Variants in DLG1 observed in about 807,000 individuals in gnomAD.
The protein encoded by DLG1 is disks large homolog 1.
Under a neutral mutation model 123.4 loss-of-function variants are expected in DLG1, and 42 were observed. The observed-to-expected ratio is 0.34, with a 90% confidence interval of 0.27 to 0.44. The LOEUF (loss-of-function observed/expected upper bound fraction) is 0.44, where lower values mean the gene tolerates loss of function less well. DLG1 is among the 20% of genes least tolerant of loss of function. The pLI is 1.00. For missense variants in DLG1, 942 were observed against 1,082.6 expected (o/e 0.87, Z 1.82); for synonymous variants, 317 against 356.2 (o/e 0.89, Z 1.24).
intron 14 of DLG1, among the ~76,000 whole-genome samples, chr3:197,097,286 T>C (rs1395582145): frequency 3.3e-5 from 5 of 152,198 alleles, no homozygotes; most frequent in African/African-American, 1.2e-4. Context: ...AAAACTCTTA[T>C]AGTTCACTTG....
intron 12 of DLG1, among the ~76,000 whole-genome samples, chr3:197,117,444 C>T (rs894544539): frequency 6.6e-6 from 1 of 152,158 alleles, no homozygotes; most frequent in Non-Finnish European, 1.5e-5. Flanking sequence ...AAGTGCCCAT[C>T]ATTAGATGAA....
chr3:197,183,820 TGCAG>T, intron 5 of DLG1: 1 of 1,544,848 alleles, frequency 6.5e-7, no homozygotes, highest in Non-Finnish European at 8.8e-7. Flanking sequence ...TCTGCAGCCC[TGCAG>T]GTGGTTGCCA....
intron 14 of DLG1, among the ~76,000 whole-genome samples, chr3:197,098,754 ACTC>A (rs1391599921): frequency 2.0e-5 from 3 of 151,086 alleles, no homozygotes; most frequent in African/African-American, 7.3e-5. Flanking sequence ...CTGGTCTTGA[ACTC>A]CTGCTTTCAA....
intron 4 of DLG1, among the ~76,000 whole-genome samples, chr3:197,250,007 C>A (rs1033002627): frequency 6.6e-6 from 1 of 152,096 alleles, no homozygotes. Flanking sequence ...TGGACCAAGA[C>A]AAAAATGCCT....
chr3:197,285,613 C>T (rs1442245441), intron 3 of DLG1, among the ~76,000 whole-genome samples: 1 of 152,086 alleles, frequency 6.6e-6, no homozygotes, highest in Non-Finnish European at 1.5e-5. Flanking sequence ...TACAGACAGA[C>T]ACTTCACCAA....
intron 23 of DLG1, 49 bp from the exon 24 acceptor site, chr3:197,051,717 T>TA (rs35272365): frequency 1.2e-4 from 171 of 1,422,640 alleles, no homozygotes; most frequent in Non-Finnish European, 1.3e-4. Flanking sequence ...ATAATACTTT[T>TA]AAAAAAAAGA....
chr3:197,101,641 G>A (rs932989681), intron 14 of DLG1, among the ~76,000 whole-genome samples: 2 of 152,086 alleles, frequency 1.3e-5, no homozygotes, highest in African/African-American at 4.8e-5. Context: ...TGCCCGCCTA[G>A]GCCTCCCAAA....
chr3:197,107,455 G>A (rs1767149468), intron 13 of DLG1, among the ~76,000 whole-genome samples: 2 of 152,090 alleles, frequency 1.3e-5, no homozygotes, highest in African/African-American at 4.8e-5. Context: ...TGAGGCAGGA[G>A]AATGGCGTGA....
intron 22 of DLG1, among the ~76,000 whole-genome samples, chr3:197,064,005 T>C (rs1295431043): frequency 6.6e-6 from 1 of 150,800 alleles, no homozygotes; most frequent in Non-Finnish European, 1.5e-5. Flanking sequence ...TTTGGCTCAC[T>C]GCAATCTCCT....
chr3:197,234,763 G>T (rs1745074644), intron 4 of DLG1, among the ~76,000 whole-genome samples: 1 of 152,016 alleles, frequency 6.6e-6, no homozygotes, highest in Admixed American at 6.5e-5. Context: ...GTTAATAGAG[G>T]TAAGATATGG....
intron 5 of DLG1, among the ~76,000 whole-genome samples, chr3:197,170,394 T>C (rs1803545505): frequency 6.6e-6 from 1 of 152,192 alleles, no homozygotes; most frequent in Non-Finnish European, 1.5e-5. Context: ...TAAGTGTTCC[T>C]TTTTCTCCAC....
intron 5 of DLG1, among the ~76,000 whole-genome samples, chr3:197,171,544 G>A (rs1804207302): frequency 6.6e-6 from 1 of 152,132 alleles, no homozygotes; most frequent in Non-Finnish European, 1.5e-5. Flanking sequence ...AACAGATCTA[G>A]CAATTAATTC....
chr3:197,059,932 G>C lies in DLG1; in HGVS notation c.2440C>G (p.Pro814Ala), dbSNP rs746276285. The part of the protein sequence containing the change: ...IKRLQIAQLY[P>A]ISIFIKPKSM... ...TTGGGTTTAATAAAAATGGAGATAG[G>C]GTAAAGCTGTGCAATCTGTAATCTC... The change falls in exon 23 of 25, where the codon CCT becomes GCT. Residue 814 changes from proline to alanine, a missense_variant. Pro to Ala is a conservative substitution (Grantham distance 27). Transcript: ENST00000667157. 6.2e-7 allele frequency: 1 copy of C among 1,613,644 alleles called. No homozygotes were observed. The highest frequency in any genetic ancestry group is 1.7e-5 in the Admixed American group (1 of 59,996).
chr3:197,190,989 G>A (rs371843578), intron 5 of DLG1, among the ~76,000 whole-genome samples: 10 of 152,112 alleles, frequency 6.6e-5, no homozygotes, highest in Non-Finnish European at 1.2e-4. Flanking sequence ...CAGCCTGGGC[G>A]ACAGAGCGAG....
chr3:197,209,967 A>G (rs1327696412), intron 4 of DLG1, among the ~76,000 whole-genome samples: 1 of 146,550 alleles, frequency 6.8e-6, no homozygotes, highest in East Asian at 2.0e-4. Context: ...CCATGACTCC[A>G]GAGAAGACAA....
rs374393425 is a variant in DLG1, at chr3:197,127,410, G to A, written c.1165+3117C>T. 6.8e-4 allele frequency among the ~76,000 whole-genome samples: 66 copies of A among 97,414 alleles called. No homozygotes were observed. The East Asian group carries it at 0.017, about 25-fold the overall frequency. The allele number at this position is 97,414 out of a possible 152,430, so 63.9% of individuals were successfully genotyped here. ...TGCACTCCAGCCTGGGCAACAGAGCGAGATTCTGTCTCCAAAAAAAAAAAA... is the reference window on the plus strand; with the variant it reads ...TGCACTCCAGCCTGGGCAACAGAGCAAGATTCTGTCTCCAAAAAAAAAAAA... On this transcript the variant is annotated intron_variant, in intron 11 of 24. Transcript: ENST00000667157.
Position 197,085,748 on chromosome 3 carries a change from A to T in DLG1, c.1670T>A (p.Phe557Tyr). Residue 557 changes from phenylalanine to tyrosine, a missense_variant, in exon 16 of 25, where the codon TTT (phenylalanine) becomes TAT (tyrosine). Phe to Tyr is a conservative substitution (Grantham distance 22). Coordinates refer to ENST00000667157, the MANE Select transcript of DLG1 (RefSeq NM_001366207.1). Reference sequence around the variant, plus strand: ...ACTGTCTTTAGTCTTGTCATAATCAAAAAGGGCTCTAGAGTCAGAAGAAAA... The same window carrying T: ...ACTGTCTTTAGTCTTGTCATAATCATAAAGGGCTCTAGAGTCAGAAGAAAA... Reference protein sequence around the residue: ...QKRSLYVRALFDYDKTKDSGL... With the variant: ...QKRSLYVRALYDYDKTKDSGL... The T allele has an allele frequency of 6.2e-7, 1 of 1,613,250 alleles. No homozygotes were observed. The highest frequency in any genetic ancestry group is 2.2e-5 in the East Asian group (1 of 44,856).
At position 197,197,663 on chromosome 3, in the gene DLG1, G is replaced by A. The variant is rs994281345; in HGVS notation, c.319-3074C>T. Among the ~76,000 whole-genome samples the A allele has an allele frequency of 8.5e-5, 13 of 152,248 alleles. 1 individual carries two copies. Among genetic ancestry groups the A allele is most frequent in the African/African-American group, 1.9e-4 (8 of 41,522 alleles). On this transcript the variant is annotated intron_variant, in intron 4 of 24. Coordinates refer to ENST00000667157, the MANE Select transcript of DLG1 (RefSeq NM_001366207.1). Reference sequence around the variant, plus strand: ...GACAAGCTGATCCTAATATCCACACGGAATTGCGAGGAACACAGAATAGCC... The same window carrying A: ...GACAAGCTGATCCTAATATCCACACAGAATTGCGAGGAACACAGAATAGCC...
intron 22 of DLG1, among the ~76,000 whole-genome samples, chr3:197,061,267 CATAA>C (rs1404394551): frequency 3.9e-5 from 6 of 152,190 alleles, no homozygotes; most frequent in East Asian, 1.9e-4. Flanking sequence ...TTTCATCAGA[CATAA>C]ATATTTTACA....
Sources: allele counts gnomAD v4.1 joint callset (sites outside exome capture counted in the v4.1 genomes callset), GRCh38; gene constraint gnomAD v4.1.1; transcripts MANE v1.5; gene names NCBI Gene and HGNC (gene_info 2026-07-23, HGNC 2026-07-21).